The following BCAS3 variants were observed in gnomAD, a reference collection of about 807,000 sequenced individuals.
BCAS3 encodes BCAS4/BCAS3 fusion.
In BCAS3, 53 loss-of-function variants were observed where a neutral mutation model predicts 116.1. That is an observed-to-expected ratio of 0.46 (90% CI 0.37 to 0.57). The LOEUF is 0.57. BCAS3 is among the 20% of genes least tolerant of loss of function. The pLI is 0.00. For synonymous variants in BCAS3, 391 were observed against 408.2 expected (o/e 0.96, Z 0.51); for missense variants, 917 against 1,165.4 (o/e 0.79, Z 3.10).
At chr17:60,900,265 T>C (rs998325743) in intron 10 of BCAS3, 2 of 151,764 alleles carry the variant, frequency 1.3e-5, no homozygotes, top group Non-Finnish European at 2.9e-5. Context: ...AGAAAGTGTA[T>C]AGGACCCAGT....
intron 22 of BCAS3, among the ~76,000 whole-genome samples, chr17:61,334,107 G>A (rs2056509611): frequency 6.6e-6 from 1 of 152,196 alleles, no homozygotes; most frequent in Non-Finnish European, 1.5e-5. Context: ...AGCCTAGCAA[G>A]GGAGACAGAT....
chr17:61,107,168 C>A (rs912875128), intron 22 of BCAS3, among the ~76,000 whole-genome samples: 11 of 137,590 alleles, frequency 8.0e-5, no homozygotes, highest in African/African-American at 2.9e-4. Flanking sequence ...CTCACTACAA[C>A]CTCTGCCTCC....
At chr17:60,867,029 G>T (rs995405330) in intron 7 of BCAS3, among the ~76,000 whole-genome samples, 2 of 151,350 alleles carry the variant, frequency 1.3e-5, no homozygotes, top group Non-Finnish European at 2.9e-5. Context: ...CTCATGTCTG[G>T]TATATTTTTG....
intron 7 of BCAS3, among the ~76,000 whole-genome samples, chr17:60,866,780 G>C (rs978373724): frequency 1.3e-5 from 2 of 151,908 alleles, no homozygotes; most frequent in Non-Finnish European, 2.9e-5. Context: ...TTATTTGTTT[G>C]TTCCTTCTTT....
intron 6 of BCAS3, among the ~76,000 whole-genome samples, chr17:60,761,999 GTCT>G (rs2043588169): frequency 2.0e-5 from 3 of 152,234 alleles, no homozygotes; most frequent in Non-Finnish European, 2.9e-5. Flanking sequence ...CTGCATAAAT[GTCT>G]TCTTTTGAGA....
In BCAS3 at chr17:61,307,445, T is replaced by C. The variant is rs2053939408; in HGVS notation, c.2426-60882T>C. Among the ~76,000 whole-genome samples, 1 of 152,250 alleles carries C rather than the reference T, an allele frequency of 6.6e-6. No homozygotes were observed. Among genetic ancestry groups the C allele is most frequent in the Admixed American group, 6.5e-5 (1 of 15,288 alleles). On this transcript the variant is annotated intron_variant, in intron 22 of 23. Coordinates refer to ENST00000407086, the MANE Select transcript of BCAS3 (RefSeq NM_017679.5). This position sits in a 1 kb window ranked among gnomAD's most constrained non-coding sequence, Gnocchi z 4.7. ...GTTTTCTTTTTCCCATTGCATTTAC[T>C]ACAGTTACAACGATAATAAATGTTG...
Position 61,368,075 on chromosome 17 carries a change from A to C in BCAS3, c.2426-252A>C. On this transcript the variant is annotated intron_variant, in intron 22 of 23. Coordinates refer to ENST00000407086, the MANE Select transcript of BCAS3 (RefSeq NM_017679.5). The surrounding 1 kb of genome is among the most constrained non-coding windows in gnomAD (Gnocchi z 6.0). ...AAGGTGGTCCCTGAAGACCAGGGGA[A>C]CCCTGTAGCTCCTCAGAAACAGTTG... is the stretch of plus-strand genomic sequence containing the variant. The C allele has an allele frequency of 1.1e-5, 4 of 354,590 alleles. No homozygotes were observed. The highest frequency in any genetic ancestry group is 1.0e-5 in the Non-Finnish European group (2 of 197,798). The allele number at this position is 354,590 out of a possible 1,614,324, so 22.0% of individuals were successfully genotyped here.
At chr17:60,752,484 C>T (rs1031714427) in intron 6 of BCAS3, among the ~76,000 whole-genome samples, 5 of 150,270 alleles carry the variant, frequency 3.3e-5, no homozygotes, top group Admixed American at 6.6e-5. Context: ...AGTGCAGTGG[C>T]GCGATCTTGG....
intron 22 of BCAS3, among the ~76,000 whole-genome samples, chr17:61,232,227 A>G (rs1419797069): frequency 6.8e-6 from 1 of 147,316 alleles, no homozygotes; most frequent in East Asian, 2.0e-4. Flanking sequence ...AAAAAGAAAG[A>G]GAAAAAGAAA....
intron 5 of BCAS3, among the ~76,000 whole-genome samples, chr17:60,737,096 C>T (rs1476423403): frequency 3.3e-5 from 5 of 152,036 alleles, no homozygotes; most frequent in African/African-American, 7.3e-5. Context: ...TGCACCACCA[C>T]GCCTGGCTAA....
At chr17:61,030,452 C>G (rs1434010877) in intron 16 of BCAS3, among the ~76,000 whole-genome samples, 1 of 151,966 alleles carries the variant, frequency 6.6e-6, no homozygotes, top group African/African-American at 2.4e-5. Flanking sequence ...ATTGACCTGG[C>G]TGGATTACAT....
chr17:60,711,519 G>C (rs2037927177), intron 5 of BCAS3, among the ~76,000 whole-genome samples: 3 of 152,150 alleles, frequency 2.0e-5, no homozygotes, highest in African/African-American at 7.2e-5. Context: ...TGTGTGATTA[G>C]GGGTGTTGAC....
At chr17:61,297,818 G>A (rs1164169286) in intron 22 of BCAS3, among the ~76,000 whole-genome samples, 2 of 152,154 alleles carry the variant, frequency 1.3e-5, no homozygotes, top group African/African-American at 2.4e-5. Context: ...TTTTTATTCC[G>A]TCCACTGTTG....
rs556138951 is a variant in BCAS3, at chr17:60,728,061, G to A, written c.321+18736G>A. On this transcript the variant is annotated intron_variant, in intron 5 of 23. Coordinates refer to ENST00000407086, the MANE Select transcript of BCAS3 (RefSeq NM_017679.5). ...TGACCTCAAGTGATCTGCCCACCTCGGCCTCCCAAAGTGCTGGGATTACAG... is the reference window on the plus strand; with the variant it reads ...TGACCTCAAGTGATCTGCCCACCTCAGCCTCCCAAAGTGCTGGGATTACAG... Among the ~76,000 whole-genome samples the A allele has an allele frequency of 2.0e-5, 3 of 152,024 alleles. No homozygotes were observed. The South Asian group carries it at 6.2e-4, about 32-fold the overall frequency.
chr17:61,196,890 A>C lies in BCAS3; in HGVS notation c.2425+112326A>C, dbSNP rs2080512749. Among the ~76,000 whole-genome samples the C allele has an allele frequency of 6.6e-6, 1 of 152,238 alleles. No homozygotes were observed. The highest frequency in any genetic ancestry group is 2.4e-5 in the African/African-American group (1 of 41,466). On this transcript the variant is annotated intron_variant, in intron 22 of 23. Coordinates refer to ENST00000407086, the MANE Select transcript of BCAS3 (RefSeq NM_017679.5). This position sits in a 1 kb window ranked among gnomAD's most constrained non-coding sequence, Gnocchi z 4.7. ...GTAGAGAGATTGAAGAACCGGTCTC[A>C]GATTTATGTCCTGTTTACATCTCCC...
chr17:60,737,525 C>A (rs891120228), intron 5 of BCAS3, among the ~76,000 whole-genome samples: 1 of 151,994 alleles, frequency 6.6e-6, no homozygotes, highest in Non-Finnish European at 1.5e-5. Flanking sequence ...ATAATATATT[C>A]AGTCAGTGCT....
chr17:60,896,025 G>A (rs770290524), intron 10 of BCAS3, among the ~76,000 whole-genome samples: 1 of 152,140 alleles, frequency 6.6e-6, no homozygotes, highest in South Asian at 2.1e-4. Context: ...AGGTCCATTG[G>A]GTCTAAAGTC....
At chr17:60,998,752 G>A (rs978888707) in intron 15 of BCAS3, among the ~76,000 whole-genome samples, 1 of 152,116 alleles carries the variant, frequency 6.6e-6, no homozygotes, top group Non-Finnish European at 1.5e-5. Context: ...TACATAGTTT[G>A]TAGTATTTTT....
intron 22 of BCAS3, among the ~76,000 whole-genome samples, chr17:61,192,251 A>AAAAAAAAAG (rs992556065): frequency 6.7e-6 from 1 of 148,970 alleles, no homozygotes; most frequent in African/African-American, 2.4e-5. Flanking sequence ...GTTACCAAAA[A>AAAAAAAAAG]AAAAAAAAAA....
Sources: allele counts gnomAD v4.1 joint callset (sites outside exome capture counted in the v4.1 genomes callset), GRCh38; gene constraint gnomAD v4.1.1; non-coding constraint Gnocchi (gnomAD v3.1); transcripts MANE v1.5; gene names NCBI Gene and HGNC (gene_info 2026-07-23, HGNC 2026-07-21).